ICA1: variants seen among roughly 807,000 people sequenced by gnomAD.
ICA1 encodes 69 kDa islet cell autoantigen.
In ICA1, 40 loss-of-function variants were observed where a neutral mutation model predicts 71.0. The ratio of observed to expected loss-of-function variants is 0.56; its 90% confidence interval spans 0.44 to 0.73. ICA1 has a LOEUF of 0.73. Ranked by LOEUF, ICA1 falls within the 30% of genes least tolerant of loss-of-function variation. The pLI is 0.00. For synonymous variants in ICA1, 207 were observed against 209.5 expected, an observed-to-expected ratio of 0.99 and a Z score of 0.10; for missense variants, 578 against 576.5, an observed-to-expected ratio of 1.00 and a Z score of -0.03.
chr7:8,255,779 C>CTTTTTTTTTTTTTTTTTTT (rs573673718), intron 1 of ICA1, among the ~76,000 whole-genome samples: 2 of 132,928 alleles, frequency 1.5e-5, no homozygotes, highest in Non-Finnish European at 3.1e-5. Flanking sequence ...ACTTCTTTCT[C>CTTTTTTTTTTTTTTTTTTT]TTTTTTTTTT....
In ICA1 at chr7:8,127,946, G is replaced by A; in HGVS notation, c.1257C>T (p.Ala419=). Residue 419 remains alanine (A), a synonymous_variant, in exon 13 of 14, where the codon GCC becomes GCT. Transcript: ENST00000402384. ...TMALGEPDPK[A]QTGSGFLPSQ... Reference sequence around the variant, plus strand: ...AAGGAAGGAAACCTGAGCCTGTCTGGGCCTTGGGGTCTGGCTCTCCCAGGG... The same window carrying A: ...AAGGAAGGAAACCTGAGCCTGTCTGAGCCTTGGGGTCTGGCTCTCCCAGGG... 1 of 1,614,182 alleles carries A rather than the reference G, an allele frequency of 6.2e-7. No homozygotes were observed. Among genetic ancestry groups the A allele is most frequent in the Non-Finnish European group, 8.5e-7 (1 of 1,180,044 alleles).
chr7:8,224,187 C>G (rs959693728), intron 4 of ICA1, among the ~76,000 whole-genome samples: 8 of 152,118 alleles, frequency 5.3e-5, no homozygotes, highest in Non-Finnish European at 1.0e-4. Context: ...GTGCCTTAGA[C>G]AAGGTAATCA....
intron 8 of ICA1, among the ~76,000 whole-genome samples, chr7:8,155,022 A>G (rs961657342): frequency 6.6e-6 from 1 of 152,196 alleles, no homozygotes; most frequent in African/African-American, 2.4e-5. Flanking sequence ...CCAACCTGAT[A>G]ATTATCTATC....
intron 6 of ICA1, among the ~76,000 whole-genome samples, chr7:8,168,014 CAGAGAGAGAAAA>C (rs1806760573): frequency 8.3e-6 from 1 of 121,146 alleles, no homozygotes; most frequent in South Asian, 2.4e-4. Context: ...GGGGAGAGAG[CAGAGAGAGAAAA>C]AGAGGGAGAG....
intron 3 of ICA1, 37 bp downstream of exon 3, chr7:8,232,553 G>C: frequency 6.4e-7 from 1 of 1,565,120 alleles, no homozygotes; most frequent in Non-Finnish European, 8.6e-7. Flanking sequence ...TCCTAGCAAG[G>C]TGGCTGTGTT....
intron 6 of ICA1, among the ~76,000 whole-genome samples, chr7:8,211,309 G>A (rs1448229822): frequency 6.6e-6 from 1 of 152,152 alleles, no homozygotes; most frequent in East Asian, 1.9e-4. Flanking sequence ...GCCCTGCTAA[G>A]TACCTCCTGT....
chr7:8,179,424 A>G (rs140614194), intron 6 of ICA1, among the ~76,000 whole-genome samples: 421 of 152,350 alleles, frequency 2.8e-3, no homozygotes, highest in African/African-American at 9.8e-3. Flanking sequence ...TATTTCCATT[A>G]CTAGTTTGAC....
rs1800642458 is a variant in ICA1 at position 8,232,752 on chromosome 7, A to G, written c.21T>C (p.Ser7=). MSGHKC[S]YPWDLQDRYA... ...ATCGATCCTGTAAGTCCCAGGGATA[A>G]CTGCTAAAAACATTTAAAGAACTAT... Residue 7 remains serine (S), a synonymous_variant, in exon 3 of 14, where the codon AGT becomes AGC. Transcript: ENST00000402384. The G allele has an allele frequency of 6.9e-6, 11 of 1,583,396 alleles. No homozygotes were observed. The East Asian group carries it at 2.5e-4, about 36-fold the overall frequency.
At chr7:8,252,273 A>G (rs1808448262) in intron 1 of ICA1, among the ~76,000 whole-genome samples, 1 of 152,224 alleles carries the variant, frequency 6.6e-6, no homozygotes, top group Non-Finnish European at 1.5e-5. Context: ...CACCCTAATC[A>G]GATAAAAGTC....
At chr7:8,196,717 CATATAAT>C (rs574809852) in intron 6 of ICA1, among the ~76,000 whole-genome samples, 1 of 152,070 alleles carries the variant, frequency 6.6e-6, no homozygotes, top group African/African-American at 2.4e-5. Flanking sequence ...ATTAACTTTA[CATATAAT>C]ATATAATATA....
intron 6 of ICA1, among the ~76,000 whole-genome samples, chr7:8,177,097 T>A (rs376481316): frequency 1.3e-5 from 2 of 152,340 alleles, no homozygotes; most frequent in African/African-American, 4.8e-5. Flanking sequence ...CATACAAAAT[T>A]TGATTTTTGG....
At chr7:8,143,067 G>T (rs1197675337) in intron 9 of ICA1, among the ~76,000 whole-genome samples, 3 of 152,060 alleles carry the variant, frequency 2.0e-5, no homozygotes, top group South Asian at 2.1e-4. Context: ...AATTTTTTTT[G>T]TGTGTGGAAA....
intron 6 of ICA1, among the ~76,000 whole-genome samples, chr7:8,198,671 G>A (rs1788515595): frequency 6.6e-6 from 1 of 152,178 alleles, no homozygotes. Flanking sequence ...TATTTGGAAG[G>A]TCAAAATATG....
intron 12 of ICA1, among the ~76,000 whole-genome samples, chr7:8,137,407 T>C (rs888812609): frequency 2.6e-5 from 4 of 152,254 alleles, no homozygotes; most frequent in African/African-American, 4.8e-5. Flanking sequence ...ATTTGTTTAC[T>C]GGTAAGACTT....
chr7:8,204,691 C>CA (rs1790890493), intron 6 of ICA1, among the ~76,000 whole-genome samples: 1 of 152,032 alleles, frequency 6.6e-6, no homozygotes, highest in South Asian at 2.1e-4. Context: ...TATTTTTAAA[C>CA]AAAAAATGAG....
chr7:8,236,788 C>G (rs1801977189), intron 1 of ICA1: 3 of 152,536 alleles, frequency 2.0e-5, no homozygotes, highest in Admixed American at 2.0e-4. Flanking sequence ...GCCCACCAGC[C>G]CAGCCACATT....
Position 8,222,661 on chromosome 7 carries a change from C to T in ICA1, c.257-1263G>A, listed in dbSNP as rs1797477417. Among the ~76,000 whole-genome samples, 1 of 152,172 alleles carries T rather than the reference C, an allele frequency of 6.6e-6. No homozygotes were observed. On this transcript the variant is annotated intron_variant, in intron 4 of 13. Transcript: ENST00000402384. The surrounding 1 kb of genome is among the most constrained non-coding windows in gnomAD (Gnocchi z 4.8). ...ACCCTAAACATTCCCTTGGGAAGGC[C>T]CAGTCAAGAAGAGGCTTTTAGAATC... is the stretch of plus-strand genomic sequence containing the variant.
intron 12 of ICA1, among the ~76,000 whole-genome samples, chr7:8,129,629 C>T (rs1288941765): frequency 6.6e-6 from 1 of 152,070 alleles, no homozygotes; most frequent in African/African-American, 2.4e-5. Context: ...TAAGAGCTAG[C>T]CTGTAGGTGT....
intron 13 of ICA1, among the ~76,000 whole-genome samples, chr7:8,115,468 T>C (rs1341788920): frequency 3.3e-5 from 5 of 152,244 alleles, no homozygotes; most frequent in Admixed American, 3.3e-4. Flanking sequence ...GAAAAGATGC[T>C]ACATGCTTGT....
Sources: gnomAD v4.1 joint callset for allele counts (sites outside exome capture counted in the v4.1 genomes callset) on GRCh38, gnomAD v4.1.1 for gene constraint, Gnocchi (gnomAD v3.1) non-coding constraint, MANE v1.5 for transcripts, NCBI Gene and HGNC (gene_info 2026-07-23, HGNC 2026-07-21) for gene names.